Variants in CNTN5 observed in about 807,000 individuals in gnomAD.
CNTN5 encodes contactin 5.
Under a neutral mutation model 129.1 loss-of-function variants are expected in CNTN5, and 77 were observed. The ratio of observed to expected loss-of-function variants is 0.60; its 90% CI spans 0.50 to 0.72. CNTN5 has a LOEUF of 0.72. Among genes scored for constraint, CNTN5 ranks in the 30% least tolerant of loss-of-function variants. The pLI is 0.00. For missense variants in CNTN5, 1,478 were observed against 1,328.8 expected (o/e 1.11, Z -1.75); for synonymous variants, 509 against 465.6 (o/e 1.09, Z -1.20).
At chr11:99,613,129 G>C (rs1163587864) in intron 3 of CNTN5, among the ~76,000 whole-genome samples, 1 of 152,180 alleles carries the variant, frequency 6.6e-6, no homozygotes, top group East Asian at 1.9e-4. Flanking sequence ...AAAGCCAAAG[G>C]AGGATGATAT....
intron 9 of CNTN5, among the ~76,000 whole-genome samples, chr11:100,042,231 T>C (rs1442701068): frequency 1.3e-5 from 2 of 152,014 alleles, no homozygotes; most frequent in Non-Finnish European, 2.9e-5. Flanking sequence ...CTCTCTCTTT[T>C]TTTTTTTTGA....
At chr11:100,038,111 A>C (rs948092435) in intron 9 of CNTN5, among the ~76,000 whole-genome samples, 1 of 152,092 alleles carries the variant, frequency 6.6e-6, no homozygotes, top group Admixed American at 6.5e-5. Flanking sequence ...ATTTAGTGCT[A>C]TAAATTTCCC....
At chr11:99,849,117 T>C (rs1424548891) in intron 6 of CNTN5, among the ~76,000 whole-genome samples, 1 of 151,990 alleles carries the variant, frequency 6.6e-6, no homozygotes, top group African/African-American at 2.4e-5. Context: ...ATAATAGGTA[T>C]ATACTTAATT....
intron 1 of CNTN5, among the ~76,000 whole-genome samples, chr11:99,105,958 G>A (rs1866974020): frequency 6.6e-6 from 1 of 152,072 alleles, no homozygotes; most frequent in Non-Finnish European, 1.5e-5. Context: ...TTCATTTTCA[G>A]TTAGAAATGA....
intron 6 of CNTN5, among the ~76,000 whole-genome samples, chr11:99,856,662 C>A (rs10736573): frequency 1 from 152,284 of 152,284 alleles, 76,142 homozygotes; most frequent in Non-Finnish European, 1. Context: ...CTCTTTGGGT[C>A]GGAAAAGCTA....
intron 13 of CNTN5, among the ~76,000 whole-genome samples, chr11:100,129,055 A>G (rs1489570902): frequency 6.6e-6 from 1 of 152,154 alleles, no homozygotes; most frequent in Non-Finnish European, 1.5e-5. Flanking sequence ...ATGAGGCCAG[A>G]ATATATATCC....
Position 99,777,742 on chromosome 11 carries a change from A to T in CNTN5, c.56-41802A>T, listed in dbSNP as rs1945174540. Among the ~76,000 whole-genome samples the T allele has an allele frequency of 2.0e-5, 3 of 151,968 alleles. No individual in the cohort carries two copies. The South Asian group carries it at 6.2e-4, about 31-fold the overall frequency. On this transcript the variant is annotated intron_variant, in intron 3 of 24. Transcript: ENST00000524871. ...GTAACAGAGTTGATTTTTAATGCCA[A>T]AACATTTCAAATTGAGTAACAATAA...
chr11:99,382,845 C>CTTT (rs1163660333), intron 2 of CNTN5, among the ~76,000 whole-genome samples: 7,015 of 76,282 alleles, frequency 0.092, 1,372 homozygotes, highest in East Asian at 0.15. Context: ...CTCTAAATAA[C>CTTT]TTTTTTTTTT....
rs1045035836 is a variant in CNTN5, at chr11:100,078,678, A to G, written c.1580+4384A>G. ...ATTTATTATCTTACTAAATTAAAAG[A>G]GTAAGCTGATTGGGTTGTGAGAATT... On this transcript the variant is annotated intron_variant, in intron 13 of 24. Coordinates refer to ENST00000524871, the MANE Select transcript of CNTN5 (RefSeq NM_014361.4). Among the ~76,000 whole-genome samples the G allele has an allele frequency of 2.3e-4, 35 of 152,188 alleles. 1 individual carries two copies. The highest frequency in any genetic ancestry group is 3.8e-4 in the Non-Finnish European group (26 of 68,028).
chr11:100,111,640 T>C (rs1315337868), intron 13 of CNTN5, among the ~76,000 whole-genome samples: 2 of 152,242 alleles, frequency 1.3e-5, no homozygotes, highest in African/African-American at 4.8e-5. Context: ...ATTCTTACTG[T>C]GATAAGAACA....
chr11:100,322,969 A>G (rs1951723973), intron 21 of CNTN5, among the ~76,000 whole-genome samples: 1 of 152,106 alleles, frequency 6.6e-6, no homozygotes, highest in Non-Finnish European at 1.5e-5. Context: ...CACTTAGTCA[A>G]TCTCCTATAT....
intron 13 of CNTN5, among the ~76,000 whole-genome samples, chr11:100,183,889 T>C (rs1215080745): frequency 6.6e-6 from 1 of 152,094 alleles, no homozygotes; most frequent in Non-Finnish European, 1.5e-5. Context: ...CTCGCCTACC[T>C]CTCCAGTCTC....
chr11:100,295,530 G>A (rs1951083699), intron 18 of CNTN5, among the ~76,000 whole-genome samples: 1 of 151,380 alleles, frequency 6.6e-6, no homozygotes, highest in African/African-American at 2.4e-5. Context: ...ATCAATGGAT[G>A]TGAAACAATA....
chr11:100,035,677 A>C (rs1268153087), intron 9 of CNTN5, among the ~76,000 whole-genome samples: 1 of 146,070 alleles, frequency 6.8e-6, no homozygotes, highest in Admixed American at 6.9e-5. Flanking sequence ...CTGGTGTGAG[A>C]TGGTATCTCA....
At chr11:99,870,206 T>C (rs1347349707) in intron 6 of CNTN5, among the ~76,000 whole-genome samples, 1 of 151,896 alleles carries the variant, frequency 6.6e-6, no homozygotes, top group Admixed American at 6.6e-5. Flanking sequence ...AAGACGTGAT[T>C]TTTTTTTAAC....
chr11:99,318,415 A>G (rs1254997646), intron 1 of CNTN5, among the ~76,000 whole-genome samples: 1 of 152,216 alleles, frequency 6.6e-6, no homozygotes, highest in African/African-American at 2.4e-5. Context: ...CAAAAATGTC[A>G]GAATATTTTT....
At chr11:99,251,230 C>G (rs1862086330) in intron 1 of CNTN5, among the ~76,000 whole-genome samples, 1 of 151,820 alleles carries the variant, frequency 6.6e-6, no homozygotes, top group Non-Finnish European at 1.5e-5. Flanking sequence ...ATCTTCCTCC[C>G]CATCTGAATG....
intron 1 of CNTN5, among the ~76,000 whole-genome samples, chr11:99,080,980 G>GTTTTTTTTTTT (rs766619743): frequency 8.9e-6 from 1 of 112,462 alleles, no homozygotes; most frequent in East Asian, 2.8e-4. Flanking sequence ...TGAGAAATCA[G>GTTTTTTTTTTT]TTTTTTTTTT....
chr11:99,915,596 C>G (rs1022519065), intron 6 of CNTN5, among the ~76,000 whole-genome samples: 2 of 152,176 alleles, frequency 1.3e-5, no homozygotes, highest in African/African-American at 2.4e-5. Context: ...ACAAGCCTCT[C>G]TAATTTGGCA....
Sources: gnomAD v4.1 joint callset for allele counts (sites outside exome capture counted in the v4.1 genomes callset) on GRCh38, gnomAD v4.1.1 for gene constraint, MANE v1.5 for transcripts, NCBI Gene and HGNC (gene_info 2026-07-23, HGNC 2026-07-21) for gene names.